The following CDKL5 variants were observed in gnomAD, a reference collection of about 807,000 sequenced individuals.
The protein encoded by CDKL5 is cyclin dependent kinase like 5.
A neutral mutation model predicts 61.7 loss-of-function variants in CDKL5; 8 were observed. The observed-to-expected ratio is 0.13, with a 90% confidence interval of 0.08 to 0.23. The LOEUF (loss-of-function observed/expected upper bound fraction) is 0.23, where lower values mean the gene tolerates loss of function less well. CDKL5 is among the 10% of genes least tolerant of loss of function. CDKL5 has a pLI of 1.00. For missense variants in CDKL5, 440 were observed against 734.5 expected (o/e 0.60, Z 4.63); for synonymous variants, 275 against 272.3 (o/e 1.01, Z -0.10).
At chrX:18,482,922 A>G (rs1203345060) in intron 1 of CDKL5, among the ~76,000 whole-genome samples, 3 of 112,015 alleles carry the variant, frequency 2.7e-5, no homozygotes, top group African/African-American at 9.7e-5. Context: ...AGAACTGGCA[A>G]GACTAAAATT....
At chrX:18,498,361 A>G (rs1157099409) in intron 1 of CDKL5, among the ~76,000 whole-genome samples, 1 of 111,786 alleles carries the variant, frequency 8.9e-6, no homozygotes, top group Non-Finnish European at 1.9e-5. Flanking sequence ...TTAAGACACC[A>G]TATATTATTA....
chrX:18,443,089 C>A (rs758661982), intron 1 of CDKL5, among the ~76,000 whole-genome samples: 1 of 112,002 alleles, frequency 8.9e-6, no homozygotes, highest in South Asian at 3.7e-4. Flanking sequence ...TACTCATGTG[C>A]TTTTCAGGTT....
At chrX:18,461,531 G>C (rs981250948) in intron 1 of CDKL5, among the ~76,000 whole-genome samples, 18 of 112,048 alleles carry the variant, frequency 1.6e-4, no homozygotes, top group Non-Finnish European at 3.4e-4. Flanking sequence ...TTACTTTCAA[G>C]ACACACGGTC....
At chrX:18,563,183 A>T (rs1041526569) in intron 3 of CDKL5, among the ~76,000 whole-genome samples, 2 of 111,836 alleles carry the variant, frequency 1.8e-5, no homozygotes, top group Non-Finnish European at 3.8e-5. Context: ...GAAAAGCAAG[A>T]GGAGGTTCCT....
In CDKL5 at chrX:18,647,180, G is replaced by A; in HGVS notation, c.2797+1090G>A. Reference sequence around the variant, plus strand: ...AAAGCACATGAAAAAAAATCCCCGGGCCCTGCTTACCCAAAGCCTTGACTG... The same window carrying A: ...AAAGCACATGAAAAAAAATCCCCGGACCCTGCTTACCCAAAGCCTTGACTG... On this transcript the variant is annotated intron_variant, in intron 20 of 21. Coordinates refer to the CDKL5 transcript ENST00000379989. The A allele has an allele frequency of 8.3e-7, 1 of 1,210,263 alleles. No homozygotes were observed. Among genetic ancestry groups the A allele is most frequent in the African/African-American group, 1.7e-5 (1 of 57,452 alleles).
At chrX:18,584,676 A>C (rs990095489) in intron 8 of CDKL5, among the ~76,000 whole-genome samples, 1 of 111,409 alleles carries the variant, frequency 9.0e-6, no homozygotes, top group African/African-American at 3.3e-5. Context: ...GCTGGATCAG[A>C]CCATCTCTGA....
At chrX:18,547,596 C>T (rs1483820229) in intron 3 of CDKL5, among the ~76,000 whole-genome samples, 2 of 111,736 alleles carry the variant, frequency 1.8e-5, no homozygotes, top group African/African-American at 3.3e-5. Flanking sequence ...ACTTACGTGC[C>T]ACTCTTGTTT....
Position 18,625,149 on chromosome X carries a change from G to C in CDKL5, c.2398G>C (p.Asp800His). 8.3e-7 allele frequency: 1 copy of C among 1,208,207 alleles called. No homozygotes were observed. The highest frequency in any genetic ancestry group is 3.0e-5 in the East Asian group (1 of 33,800). Reference sequence around the variant, plus strand: ...CTAGGTACCCAATTCCGACAGCCCTGATCTTCTGACGTTGCAGAAATCCAT... The same window carrying C: ...CTAGGTACCCAATTCCGACAGCCCTCATCTTCTGACGTTGCAGAAATCCAT... ...SQTVPNSDSP[D>H]LLTLQKSIHS... Residue 800 changes from aspartate (D) to histidine (H), a missense_variant, in exon 17 of 18, where the codon GAT becomes CAT. Asp to His is a moderately conservative substitution (Grantham distance 81). Coordinates refer to ENST00000623535, the MANE Select transcript of CDKL5 (RefSeq NM_001323289.2).
intron 1 of CDKL5, among the ~76,000 whole-genome samples, chrX:18,492,965 T>C (rs1163555651): frequency 2.7e-5 from 3 of 111,964 alleles, no homozygotes; most frequent in African/African-American, 9.7e-5. Context: ...TAGCCCAACC[T>C]GCTGTTTCTC....
chrX:18,500,999 C>T (rs773184549), intron 1 of CDKL5, among the ~76,000 whole-genome samples: 11 of 110,567 alleles, frequency 9.9e-5, no homozygotes, highest in African/African-American at 1.3e-4. Flanking sequence ...CCATCACACC[C>T]GGCTAATTTT....
At chrX:18,617,944 A>G (rs1053313742) in intron 15 of CDKL5, among the ~76,000 whole-genome samples, 1 of 111,601 alleles carries the variant, frequency 9.0e-6, no homozygotes, top group Non-Finnish European at 1.9e-5. Context: ...TGCAACATGC[A>G]AACTGCAAAC....
chrX:18,614,220 A>G (rs1373415546), intron 15 of CDKL5, among the ~76,000 whole-genome samples: 2 of 112,483 alleles, frequency 1.8e-5, no homozygotes, highest in Non-Finnish European at 3.7e-5. Context: ...ATAAAGTTAC[A>G]TCAAGGTTTC....
intron 1 of CDKL5, among the ~76,000 whole-genome samples, chrX:18,455,305 A>C (rs1162471079): frequency 8.9e-6 from 1 of 112,460 alleles, no homozygotes; most frequent in African/African-American, 3.2e-5. Context: ...CATCCAATGT[A>C]ATTTTTACAA....
chrX:18,581,324 T>G (rs181900795), intron 6 of CDKL5, among the ~76,000 whole-genome samples: 96 of 111,931 alleles, frequency 8.6e-4, no homozygotes, highest in African/African-American at 3.1e-3. Flanking sequence ...TGGAAAAAAT[T>G]AGAAATCTTA....
intron 1 of CDKL5, among the ~76,000 whole-genome samples, chrX:18,485,088 A>AT (rs1003028889): frequency 1.9e-5 from 2 of 107,475 alleles, no homozygotes; most frequent in African/African-American, 3.4e-5. Flanking sequence ...TCAAGGCAGA[A>AT]TTTTTTTTTC....
rs1056394638 is a variant in CDKL5, at chrX:18,633,692, C to T, written c.*4935C>T. ...GAAACTCTGGGCCTGCTGCCCCCTT[C>T]GATTCTTTTTTTTTTTCTTTGTGAA... On this transcript the variant is annotated 3_prime_UTR_variant, in exon 18 of 18. Transcript: ENST00000623535. The T allele has an allele frequency of 1.3e-5, 10 of 751,855 alleles. No individual in the cohort carries two copies. Among genetic ancestry groups the T allele is most frequent in the East Asian group, 1.5e-4 (1 of 6,576 alleles). The allele number at this position is 751,855 out of a possible 1,213,427, so 62.0% of individuals were successfully genotyped here.
Position 18,482,199 on chromosome X carries a change from GGAGA to G in CDKL5, c.-162-24734_-162-24731del, listed in dbSNP as rs768915906. Among the ~76,000 whole-genome samples the G allele has an allele frequency of 4.5e-5, 5 of 111,207 alleles. No homozygotes were observed. In the East Asian group the frequency reaches 1.4e-3, roughly 31 times the overall value. On this transcript the variant is annotated intron_variant, in intron 1 of 17. Coordinates refer to ENST00000623535, the MANE Select transcript of CDKL5 (RefSeq NM_001323289.2). ...GTACCAGTTAAGGTTGTTTTGCTGA[GGAGA>G]GGGTCCAGGGTCCACATGGACCACC...
chrX:18,559,034 G>C (rs1392968896), intron 3 of CDKL5, among the ~76,000 whole-genome samples: 1 of 112,309 alleles, frequency 8.9e-6, no homozygotes, highest in African/African-American at 3.2e-5. Context: ...AGAGAACCCT[G>C]CCCAGGCAGT....
rs1329850452 is a variant in CDKL5, at chrX:18,629,098, AGGATGTGTCCTGGCACTGCAAG to A, written c.*346_*367del. On this transcript the variant is annotated 3_prime_UTR_variant, in exon 18 of 18. Transcript: ENST00000623535. ...AATCTCTGTTGAACTTGGGAATGCCAGGATGTGTCCTGGCACTGCAAGGGATAGGAAAGTCGTGTTGACCGAT... is the reference window on the plus strand; with the variant it reads ...AATCTCTGTTGAACTTGGGAATGCCAGGATAGGAAAGTCGTGTTGACCGAT... 3 of 815,065 alleles carry A rather than the reference AGGATGTGTCCTGGCACTGCAAG, an allele frequency of 3.7e-6. No homozygotes were observed. Among genetic ancestry groups the A allele is most frequent in the Non-Finnish European group, 4.4e-6 (3 of 679,124 alleles). The allele number at this position is 815,065 out of a possible 1,213,427, so 67.2% of individuals were successfully genotyped here. A position where few individuals can be genotyped will look rare whatever the true frequency, so the allele number is the denominator to read the frequency against.
Sources: allele counts gnomAD v4.1 joint callset (sites outside exome capture counted in the v4.1 genomes callset), GRCh38; gene constraint gnomAD v4.1.1; transcripts MANE v1.5; gene names NCBI Gene and HGNC (gene_info 2026-07-23, HGNC 2026-07-21).